The following NCKAP5 variants were observed in gnomAD, a reference collection of about 807,000 sequenced individuals.
NCKAP5 encodes nck-associated protein 5.
In NCKAP5, 92 loss-of-function variants were observed where a neutral mutation model predicts 167.0. That is an observed-to-expected ratio of 0.55 (90% CI 0.47 to 0.66). The LOEUF is 0.66. Among genes scored for constraint, NCKAP5 ranks in the 30% least tolerant of loss-of-function variants. The pLI is 0.00. For synonymous variants in NCKAP5, 891 were observed against 877.4 expected (o/e 1.02, Z -0.27); for missense variants, 2,378 against 2,315.0 (o/e 1.03, Z -0.56).
intron 19 of NCKAP5, among the ~76,000 whole-genome samples, chr2:132,704,500 A>T (rs937071038): frequency 6.6e-6 from 1 of 152,080 alleles, no homozygotes; most frequent in African/African-American, 2.4e-5. Context: ...TCCTCTGTGC[A>T]TTCCCACCAA....
intron 5 of NCKAP5, among the ~76,000 whole-genome samples, chr2:133,205,190 G>A (rs1223002229): frequency 6.6e-6 from 1 of 152,086 alleles, no homozygotes; most frequent in African/African-American, 2.4e-5. Flanking sequence ...CTACTTGGGA[G>A]GCTGAGGCAG....
intron 5 of NCKAP5, among the ~76,000 whole-genome samples, chr2:133,172,017 C>G (rs2084269533): frequency 6.6e-6 from 1 of 152,154 alleles, no homozygotes; most frequent in African/African-American, 2.4e-5. Context: ...TTAAAAGTAT[C>G]TTCCATCACA....
intron 6 of NCKAP5, among the ~76,000 whole-genome samples, chr2:133,029,750 G>A (rs1375209264): frequency 6.6e-6 from 1 of 152,130 alleles, no homozygotes; most frequent in African/African-American, 2.4e-5. Flanking sequence ...ATCAGGCTGT[G>A]CTAGGGGACA....
At chr2:133,170,546 C>A (rs1194563848) in intron 5 of NCKAP5, among the ~76,000 whole-genome samples, 1 of 152,218 alleles carries the variant, frequency 6.6e-6, no homozygotes, top group Non-Finnish European at 1.5e-5. Context: ...ATCATCTCTA[C>A]CTCTGTGCCT....
At chr2:133,091,028 C>T (rs561048152) in intron 6 of NCKAP5, among the ~76,000 whole-genome samples, 16 of 152,126 alleles carry the variant, frequency 1.1e-4, no homozygotes, top group African/African-American at 3.9e-4. Context: ...AGTTCTCACA[C>T]GATCTGGTTA....
intron 4 of NCKAP5, among the ~76,000 whole-genome samples, chr2:133,264,465 T>C (rs1241972945): frequency 6.6e-6 from 1 of 152,198 alleles, no homozygotes; most frequent in Non-Finnish European, 1.5e-5. Context: ...TTTAAAATGC[T>C]GAAACCCATT....
At chr2:133,637,897 C>A in the NCKAP5 span, among the ~76,000 whole-genome samples, 2 of 152,220 alleles carry the variant, frequency 1.3e-5, no homozygotes, top group African/African-American at 4.8e-5. Context: ...CTGAATTTTT[C>A]TCATCCTCAC....
At chr2:133,225,187 T>A (rs1310986532) in intron 4 of NCKAP5, among the ~76,000 whole-genome samples, 1 of 152,146 alleles carries the variant, frequency 6.6e-6, no homozygotes. Context: ...TTTGGTAACA[T>A]TCAAAACAGA....
At chr2:133,094,035 G>A (rs2081271155) in intron 6 of NCKAP5, among the ~76,000 whole-genome samples, 1 of 152,222 alleles carries the variant, frequency 6.6e-6, no homozygotes. Flanking sequence ...AGTCATACAG[G>A]AATGGGTAGG....
At position 133,114,016 on chromosome 2, in the gene NCKAP5, T is replaced by C. The variant is rs147418524; in HGVS notation, c.341+15962A>G. 7.9e-3 allele frequency among the ~76,000 whole-genome samples: 1,210 copies of C among 152,346 alleles called. 7 individuals carry two copies. The highest frequency in any genetic ancestry group is 0.037 in the Middle Eastern group (11 of 294). On this transcript the variant is annotated intron_variant, in intron 6 of 19. Transcript: ENST00000409261. ...TTCATCAAGGAGAACACATTTTACATGGCATTTTATTTTGCTGACTTGGTT... is the reference window on the plus strand; with the variant it reads ...TTCATCAAGGAGAACACATTTTACACGGCATTTTATTTTGCTGACTTGGTT...
chr2:132,806,478 G>A (rs1574283462), intron 11 of NCKAP5, among the ~76,000 whole-genome samples: 2 of 151,900 alleles, frequency 1.3e-5, no homozygotes, highest in East Asian at 3.9e-4. Flanking sequence ...GGAGTAAGGT[G>A]GTATTGCATT....
chr2:132,755,616 G>A (rs565870639), intron 16 of NCKAP5, among the ~76,000 whole-genome samples: 8 of 151,998 alleles, frequency 5.3e-5, no homozygotes, highest in African/African-American at 1.9e-4. Flanking sequence ...AGATCATGAG[G>A]TCAAGAGTTC....
chr2:133,271,368 C>A (rs749499163), intron 4 of NCKAP5, among the ~76,000 whole-genome samples: 1 of 151,904 alleles, frequency 6.6e-6, no homozygotes, highest in African/African-American at 2.4e-5. Flanking sequence ...TTGTTAACTG[C>A]GAAGGGGAAA....
chr2:133,576,617 C>T, the NCKAP5 span, among the ~76,000 whole-genome samples: 1 of 152,128 alleles, frequency 6.6e-6, no homozygotes, highest in Non-Finnish European at 1.5e-5. Flanking sequence ...TTGAAAAATA[C>T]ATTGAAATAT....
At chr2:133,559,889 A>G (rs1688037810) in intron 1 of NCKAP5, among the ~76,000 whole-genome samples, 1 of 152,234 alleles carries the variant, frequency 6.6e-6, no homozygotes. Flanking sequence ...TCTAGCCCAA[A>G]GTAGGAAACA....
At chr2:133,240,325 T>C (rs2087624546) in intron 4 of NCKAP5, among the ~76,000 whole-genome samples, 1 of 152,208 alleles carries the variant, frequency 6.6e-6, no homozygotes, top group African/African-American at 2.4e-5. Flanking sequence ...CTTAATAAGT[T>C]AGTGACTTAG....
At chr2:133,302,948 A>T (rs904896554) in intron 4 of NCKAP5, 89 bp downstream of exon 4, 9 of 921,464 alleles carry the variant, frequency 9.8e-6, no homozygotes, top group Admixed American at 4.0e-5. Context: ...CTTAGTATAT[A>T]TTCTGTAGTC....
intron 3 of NCKAP5, among the ~76,000 whole-genome samples, chr2:133,414,980 G>A (rs10184630): frequency 0.2 from 30,197 of 152,060 alleles, 3,053 homozygotes; most frequent in African/African-American, 0.22. Flanking sequence ...TCTCAATCCC[G>A]CCCTAGTGTT....
At chr2:133,419,840 G>C (rs1464459136) in intron 3 of NCKAP5, among the ~76,000 whole-genome samples, 1 of 152,184 alleles carries the variant, frequency 6.6e-6, no homozygotes, top group Non-Finnish European at 1.5e-5. Context: ...ATGCATATAT[G>C]ACATACCTCT....
Sources: allele counts gnomAD v4.1 joint callset (sites outside exome capture counted in the v4.1 genomes callset), GRCh38; gene constraint gnomAD v4.1.1; transcripts MANE v1.5; gene names NCBI Gene and HGNC (gene_info 2026-07-23, HGNC 2026-07-21).